The following SLC27A5 variants were observed in gnomAD, a reference collection of about 807,000 sequenced individuals.
SLC27A5 encodes the protein solute carrier family 27 member 5.
A neutral mutation model predicts 63.1 loss-of-function variants in SLC27A5; 47 were observed. That is an observed-to-expected ratio of 0.74 (90% CI 0.59 to 0.95). The LOEUF is 0.95. Ranked by LOEUF, SLC27A5 falls within the 40% of genes least tolerant of loss-of-function variation. The pLI is 0.00. For synonymous variants in SLC27A5, 391 were observed against 403.8 expected, an observed-to-expected ratio of 0.97 and a Z score of 0.38; for missense variants, 940 against 921.0, an observed-to-expected ratio of 1.02 and a Z score of -0.27.
rs144638352 is a variant in SLC27A5 at position 58,498,613 on chromosome 19, C to A, written c.1975G>T (p.Val659Phe). The change falls in exon 10 of 10, where the codon GTT becomes TTT. Residue 659 changes from valine (V) to phenylalanine (F), a missense_variant. Coordinates refer to ENST00000263093, the MANE Select transcript of SLC27A5 (RefSeq NM_012254.3). ...TTGTCCAGTACAAACAGAGGGTCAA[C>A]CACGATCCCCACATTGAAGCCCTCA... ...VREGFNVGIV[V>F]DPLFVLDNRA... 2.7e-5 allele frequency: 43 copies of A among 1,614,026 alleles called. No individual in the cohort carries two copies. Among genetic ancestry groups the A allele is most frequent in the Non-Finnish European group, 3.6e-5 (42 of 1,180,028 alleles).
At chr19:58,499,349 C>T in intron 7 of SLC27A5, 129 bp from the exon 8 acceptor site, 7 of 1,333,292 alleles carry the variant, frequency 5.3e-6, no homozygotes, top group South Asian at 1.3e-5. Context: ...ATCGAGAAGC[C>T]CCGCCTTCGC....
Position 58,511,677 on chromosome 19 carries a change from G to T in SLC27A5, c.279C>A (p.Phe93Leu), listed in dbSNP as rs1380999982. Residue 93 changes from phenylalanine to leucine, a missense_variant, in exon 1 of 10, where the codon TTC becomes TTA. Physicochemically the swap from Phe to Leu is conservative, Grantham distance 22. Coordinates refer to ENST00000263093, the MANE Select transcript of SLC27A5 (RefSeq NM_012254.3). Reference sequence around the variant, plus strand: ...GGCCCAGGTGGAGGATCTTGGCCAAGAAGATCACATCAGCCGGCAGCCAGC... The same window carrying T: ...GGCCCAGGTGGAGGATCTTGGCCAATAAGATCACATCAGCCGGCAGCCAGC... ...GLRWLPADVI[F>L]LAKILHLGLK... The T allele has an allele frequency of 1.3e-6, 2 of 1,585,200 alleles. No homozygotes were observed. The highest frequency in any genetic ancestry group is 3.5e-5 in the Admixed American group (2 of 56,574).
At chr19:58,502,771 G>C (rs986760609) in intron 3 of SLC27A5, among the ~76,000 whole-genome samples, 57 of 144,332 alleles carry the variant, frequency 3.9e-4, no homozygotes, top group African/African-American at 9.6e-4. Flanking sequence ...AGATGGATGG[G>C]TGGACAGTTA....
At chr19:58,507,651 T>C (rs2053362224) in intron 3 of SLC27A5, 1 of 152,194 alleles carries the variant, frequency 6.6e-6, no homozygotes, top group African/African-American at 2.4e-5. Context: ...ATATTTTTCT[T>C]CTTGCAGAGA....
chr19:58,502,982 G>A lies in SLC27A5; in HGVS notation c.1058-1572C>T, dbSNP rs555644980. Among the ~76,000 whole-genome samples, 7 of 152,198 alleles carry A rather than the reference G, an allele frequency of 4.6e-5. No individual in the cohort carries two copies. In the East Asian group the frequency reaches 7.7e-4, roughly 17 times the overall value. ...AGGACTTAGGGAGGCCGAGGTGGGCGGATCACGAGGTCAGGAGATCAAGAC... is the reference window on the plus strand; with the variant it reads ...AGGACTTAGGGAGGCCGAGGTGGGCAGATCACGAGGTCAGGAGATCAAGAC... On this transcript the variant is annotated intron_variant, in intron 3 of 9. Coordinates refer to ENST00000263093, the MANE Select transcript of SLC27A5 (RefSeq NM_012254.3).
At position 58,500,722 on chromosome 19, in the gene SLC27A5, C is replaced by T; in HGVS notation, c.1183-16G>A. 1.2e-6 allele frequency: 2 copies of T among 1,605,804 alleles called. No homozygotes were observed. The highest frequency in any genetic ancestry group is 1.7e-6 in the Non-Finnish European group (2 of 1,173,444). On this transcript the variant is annotated splice_polypyrimidine_tract_variant and intron_variant, in intron 4 of 9. Transcript: ENST00000263093. The stretch of plus-strand genomic sequence containing the variant: ...CCTCTGGTTGCTACAGGAATGTCCC[C>T]AGAAGGGTGAGGAGGAGGTGCTCTT...
Position 58,511,847 on chromosome 19 carries a change from G to A in SLC27A5, c.109C>T (p.Leu37=), listed in dbSNP as rs1293088357. Residue 37 remains leucine, a synonymous_variant, in exon 1 of 10, where the codon CTG becomes TTG. Transcript: ENST00000263093. ...VAVALTLRWL[L]GDPTCCVLLG... is the part of the protein sequence containing the mutation. ...AGCACGCAACATGTGGGATCCCCCA[G>A]GAGCCAGCGCAGGGTCAAGGCCACA... The A allele has an allele frequency of 1.9e-6, 3 of 1,559,018 alleles. No homozygotes were observed. In the Admixed American group the frequency reaches 5.7e-5, roughly 30 times the overall value.
Position 58,501,392 on chromosome 19 carries a change from G to C in SLC27A5, c.1076C>G (p.Ala359Gly). Residue 359 changes from alanine to glycine, a missense_variant, in exon 4 of 10, where the codon GCC becomes GGC. Physicochemically the swap from Ala to Gly is moderately conservative, Grantham distance 60 (BLOSUM62 0). Coordinates refer to ENST00000263093, the MANE Select transcript of SLC27A5 (RefSeq NM_012254.3). ...CLDLGATCVLAPKFSTSCFWD... is the reference protein window; with the variant it reads ...CLDLGATCVLGPKFSTSCFWD... Reference sequence around the variant, plus strand: ...GAAGCAGGAAGTAGAGAACTTGGGGGCCAGAACACAGGTGGCTCCTGGGAG... The same window carrying C: ...GAAGCAGGAAGTAGAGAACTTGGGGCCCAGAACACAGGTGGCTCCTGGGAG... 1 of 1,613,620 alleles carries C rather than the reference G, an allele frequency of 6.2e-7. No individual in the cohort carries two copies. The highest frequency in any genetic ancestry group is 8.5e-7 in the Non-Finnish European group (1 of 1,179,716).
chr19:58,505,874 C>A (rs890874147), intron 3 of SLC27A5, among the ~76,000 whole-genome samples: 6 of 151,074 alleles, frequency 4.0e-5, no homozygotes, highest in Non-Finnish European at 8.8e-5. Flanking sequence ...AACATTTGGC[C>A]GGGCACGGTA....
In SLC27A5 at chr19:58,498,596, TACAA is replaced by T. The variant is rs1487016626; in HGVS notation, c.1988_1991del (p.Phe663TyrfsTer12). On this transcript the variant is annotated frameshift_variant, in exon 10 of 10. Transcript: ENST00000263093. LOFTEE classifies it low-confidence loss of function (END_TRUNC). ...GGAAGGACTGGGCCCGGTTGTCCAG[TACAA>T]ACAGAGGGTCAACCACGATCCCCAC... 11 of 1,613,922 alleles carry T rather than the reference TACAA, an allele frequency of 6.8e-6. No homozygotes were observed. The highest frequency in any genetic ancestry group is 1.7e-5 in the Admixed American group (1 of 59,954).
chr19:58,498,734 C>T (rs758813638), intron 9 of SLC27A5, 43 bp from the exon 10 acceptor site: 4 of 1,610,074 alleles, frequency 2.5e-6, no homozygotes, highest in East Asian at 2.2e-5. Context: ...GACATCCACC[C>T]GCCCCCTGGC....
At chr19:58,503,136 C>T (rs1245667408) in intron 3 of SLC27A5, among the ~76,000 whole-genome samples, 10 of 147,614 alleles carry the variant, frequency 6.8e-5, no homozygotes, top group East Asian at 2.0e-4. Flanking sequence ...ACCTGGGAGG[C>T]GGAGCTTGCA....
intron 3 of SLC27A5, among the ~76,000 whole-genome samples, chr19:58,505,758 G>A (rs1365842591): frequency 3.4e-5 from 5 of 149,024 alleles, no homozygotes; most frequent in Admixed American, 1.4e-4. Context: ...TGAGGCAGGA[G>A]AATCGCTTGA....
chr19:58,502,466 G>GTT (rs2053287034), intron 3 of SLC27A5, among the ~76,000 whole-genome samples: 1 of 128,028 alleles, frequency 7.8e-6, no homozygotes, highest in South Asian at 2.9e-4. Context: ...TGGGTGAACA[G>GTT]AGTAGTGAGT....
intron 3 of SLC27A5, chr19:58,509,076 CAAAA>C: frequency 7.7e-6 from 1 of 130,538 alleles, no homozygotes; most frequent in East Asian, 2.2e-4. Context: ...GACTCTGTCT[CAAAA>C]AAAAAAAGAG....
intron 3 of SLC27A5, chr19:58,508,655 TCTTA>T (rs1376562207): frequency 6.6e-6 from 1 of 151,968 alleles, no homozygotes; most frequent in African/African-American, 2.4e-5. Context: ...ACAGATGGCC[TCTTA>T]CTATGTTGCC....
intron 2 of SLC27A5, chr19:58,510,233 T>C: frequency 2.0e-6 from 1 of 493,116 alleles, no homozygotes; most frequent in East Asian, 3.4e-5. Flanking sequence ...GGAAGAATTC[T>C]GGCATTGACC....
chr19:58,499,791 C>G lies in SLC27A5; in HGVS notation c.1469-101G>C, dbSNP rs2053253209. 8 of 1,116,332 alleles carry G rather than the reference C, an allele frequency of 7.2e-6. No homozygotes were observed. In the South Asian group the frequency reaches 9.9e-5, roughly 14 times the overall value. The allele number at this position is 1,116,332 out of a possible 1,614,324, so 69.2% of individuals were successfully genotyped here. A position where few individuals can be genotyped will look rare whatever the true frequency, so the allele number is the denominator to read the frequency against. On this transcript the variant is annotated intron_variant, in intron 6 of 9. Transcript: ENST00000263093. The stretch of plus-strand genomic sequence containing the variant: ...GACTCTTCATCACCCAGCACCCTGC[C>G]AAGGACAGACCCAAAGACACAGACA...
At chr19:58,499,725 C>G in intron 6 of SLC27A5, 35 bp from the exon 7 acceptor site, 1 of 1,599,890 alleles carries the variant, frequency 6.3e-7, no homozygotes, top group Non-Finnish European at 8.5e-7. Flanking sequence ...CCCCTGGAGC[C>G]CACCAGCCAA....
Sources: gnomAD v4.1 joint callset for allele counts (sites outside exome capture counted in the v4.1 genomes callset) on GRCh38, gnomAD v4.1.1 for gene constraint, MANE v1.5 for transcripts, NCBI Gene and HGNC (gene_info 2026-07-23, HGNC 2026-07-21) for gene names.